PLEKHA8: variants seen among roughly 807,000 people sequenced by gnomAD.
PLEKHA8 encodes pleckstrin homology domain-containing family A member 8.
PLEKHA8 carries 36 observed loss-of-function variants against 68.2 expected under a neutral mutation model. The observed-to-expected ratio is 0.53, with a 90% confidence interval of 0.40 to 0.70. The LOEUF is 0.70. Among genes scored for constraint, PLEKHA8 ranks in the 30% least tolerant of loss-of-function variants. PLEKHA8 has a pLI of 0.00. For missense variants in PLEKHA8, 505 were observed against 615.4 expected (o/e 0.82, Z 1.90); for synonymous variants, 211 against 216.1 (o/e 0.98, Z 0.20).
chr7:30,099,367 A>C (rs1159405649), intron 13 of PLEKHA8, among the ~76,000 whole-genome samples: 2 of 152,246 alleles, frequency 1.3e-5, no homozygotes, highest in African/African-American at 2.4e-5. Flanking sequence ...GACATAAGAC[A>C]TACTCTTGAA....
intron 13 of PLEKHA8, among the ~76,000 whole-genome samples, chr7:30,113,996 T>A (rs1796351692): frequency 6.6e-6 from 1 of 151,978 alleles, no homozygotes; most frequent in Non-Finnish European, 1.5e-5. Context: ...CCTCCCAGGT[T>A]CAAGTGATTA....
chr7:30,083,059 A>T lies in PLEKHA8; in HGVS notation c.*4272A>T. The stretch of plus-strand genomic sequence containing the variant: ...AAGATAATCTATCAACCTTTTTTAA[A>T]TTTTAAAATTTTTAGATGTAGAGTT... On this transcript the variant is annotated 3_prime_UTR_variant, in exon 14 of 14. Coordinates refer to ENST00000449726, the MANE Select transcript of PLEKHA8 (RefSeq NM_001197026.2). The T allele has an allele frequency of 1.0e-6, 1 of 981,040 alleles. No homozygotes were observed. The highest frequency in any genetic ancestry group is 1.2e-6 in the Non-Finnish European group (1 of 826,118). The allele number at this position is 981,040 out of a possible 1,614,324, so 60.8% of individuals were successfully genotyped here. A position where few individuals can be genotyped will look rare whatever the true frequency, so the allele number is the denominator to read the frequency against.
intron 12 of PLEKHA8, among the ~76,000 whole-genome samples, chr7:30,070,839 G>C (rs1360516600): frequency 6.6e-6 from 1 of 152,296 alleles, no homozygotes; most frequent in Admixed American, 6.5e-5. Flanking sequence ...CCACCACCGT[G>C]CCTGGCCCAG....
At chr7:30,036,780 T>G (rs539797711) in intron 1 of PLEKHA8, among the ~76,000 whole-genome samples, 1 of 152,358 alleles carries the variant, frequency 6.6e-6, no homozygotes, top group East Asian at 1.9e-4. Context: ...GGATCTTTTC[T>G]CTAAATCTCC....
At position 30,083,487 on chromosome 7, in the gene PLEKHA8, G is replaced by C. The variant is rs763098465; in HGVS notation, c.*4700G>C. The C allele has an allele frequency of 5.5e-5, 54 of 984,604 alleles. No individual in the cohort carries two copies. Among genetic ancestry groups the C allele is most frequent in the Non-Finnish European group, 6.3e-5 (52 of 829,366 alleles). 61.0% of individuals were successfully genotyped at this position (984,604 alleles called of 1,614,324 possible). Reference sequence around the variant, plus strand: ...CCTGTCTCAGACAGTCAATAGTCCTGTGTACAGTGACTATTTGCATGATTT... The same window carrying C: ...CCTGTCTCAGACAGTCAATAGTCCTCTGTACAGTGACTATTTGCATGATTT... On this transcript the variant is annotated 3_prime_UTR_variant, in exon 14 of 14. Transcript: ENST00000449726.
exon 13 of PLEKHA8, chr7:30,090,250 A>C: frequency 6.5e-7 from 1 of 1,527,184 alleles, no homozygotes; most frequent in Non-Finnish European, 8.8e-7. Flanking sequence ...AGGCAGAAAA[A>C]GCAAGTCACC....
chr7:30,075,812 G>C (rs547105806), intron 13 of PLEKHA8, among the ~76,000 whole-genome samples: 1 of 152,292 alleles, frequency 6.6e-6, no homozygotes, highest in East Asian at 1.9e-4. Context: ...AGCTATAGTA[G>C]AAAACTTATC....
Position 30,111,544 on chromosome 7 carries a change from A to G in PLEKHA8, c.1363-17722A>G, listed in dbSNP as rs533533360. 3.4e-5 allele frequency among the ~76,000 whole-genome samples: 5 copies of G among 148,580 alleles called. No homozygotes were observed. The South Asian group carries it at 1.1e-3, about 32-fold the overall frequency. On this transcript the variant is annotated intron_variant, in intron 13 of 13. Coordinates refer to the PLEKHA8 transcript ENST00000396257. ...TCATTCATTTCTGTCTTATTTTTTA[A>G]TTTTCTAGCTTCTACATTCTTGGGT...
chr7:30,075,368 C>G (rs1252147872), intron 13 of PLEKHA8, among the ~76,000 whole-genome samples: 2 of 152,176 alleles, frequency 1.3e-5, no homozygotes, highest in African/African-American at 4.8e-5. Context: ...TACCATGTAG[C>G]TATTGGACAC....
intron 13 of PLEKHA8, among the ~76,000 whole-genome samples, chr7:30,128,919 G>A (rs1040280555): frequency 2.0e-5 from 3 of 152,068 alleles, no homozygotes; most frequent in African/African-American, 7.2e-5. Context: ...ACCAGCTCTC[G>A]GGAGTGAACA....
At chr7:30,110,208 T>C (rs952935112) in intron 13 of PLEKHA8, among the ~76,000 whole-genome samples, 1 of 152,178 alleles carries the variant, frequency 6.6e-6, no homozygotes, top group Non-Finnish European at 1.5e-5. Context: ...CCTAGGCAAC[T>C]AATCTTTCTG....
At chr7:30,042,129 T>G (rs1791590075) in intron 1 of PLEKHA8, among the ~76,000 whole-genome samples, 1 of 152,198 alleles carries the variant, frequency 6.6e-6, no homozygotes, top group Non-Finnish European at 1.5e-5. Context: ...GCGACTGCCT[T>G]GAGCTGAGAC....
rs797004881 is a variant in PLEKHA8, at chr7:30,108,083, A to C, written c.1363-21183A>C. Among the ~76,000 whole-genome samples the C allele has an allele frequency of 3.0e-3, 432 of 144,548 alleles. 4 individuals carry two copies. The highest frequency in any genetic ancestry group is 9.5e-3 in the African/African-American group (387 of 40,604). The allele number at this position is 144,548 out of a possible 152,430, so 94.8% of individuals were successfully genotyped here. ...ACTCCATCTCAAAAAAAAAAAAAAA[A>C]AAAAAAAAACCTACATTCATTGACA... On this transcript the variant is annotated intron_variant, in intron 13 of 13. Transcript: ENST00000396257.
intron 13 of PLEKHA8, among the ~76,000 whole-genome samples, chr7:30,095,785 G>A (rs866969785): frequency 1.3e-4 from 20 of 152,166 alleles, no homozygotes; most frequent in Non-Finnish European, 1.8e-4. Flanking sequence ...ATAGGGAATC[G>A]TTTCCCCATT....
chr7:30,060,924 T>G lies in PLEKHA8; in HGVS notation c.1080T>G (p.Asp360Glu). ...CAGTGTTTGCTCCTGTTAAGATGGA[T>G]CTTGTTGGAAATATTAAGGTGAGCA... ...GPTVFAPVKM[D>E]LVGNIKKVNQ... is the part of the protein sequence containing the mutation. Residue 360 changes from aspartate to glutamate, a missense_variant, in exon 10 of 14, where the codon GAT becomes GAG. Physicochemically the swap from Asp to Glu is conservative, Grantham distance 45. Coordinates refer to ENST00000449726, the MANE Select transcript of PLEKHA8 (RefSeq NM_001197026.2). 1 of 1,613,546 alleles carries G rather than the reference T, an allele frequency of 6.2e-7. No homozygotes were observed. Among genetic ancestry groups the G allele is most frequent in the Middle Eastern group, 1.7e-4 (1 of 6,052 alleles).
rs561487078 is a variant in PLEKHA8, at chr7:30,116,012, A to G, written c.1363-13254A>G. 24 of 150,558 alleles carry G rather than the reference A, an allele frequency of 1.6e-4. No homozygotes were observed. The East Asian group carries it at 4.0e-3, about 25-fold the overall frequency. The allele number at this position is 150,558 out of a possible 1,614,324, so 9.3% of individuals were successfully genotyped here. A position where few individuals can be genotyped will look rare whatever the true frequency, so the allele number is the denominator to read the frequency against. On this transcript the variant is annotated intron_variant, in intron 13 of 13. Coordinates refer to the PLEKHA8 transcript ENST00000396257. ...TGCATACGCATACATACGCATACAT[A>G]CGCATACATACGTATACATACATGT...
intron 13 of PLEKHA8, among the ~76,000 whole-genome samples, chr7:30,121,650 T>C (rs949909766): frequency 2.6e-5 from 4 of 152,108 alleles, no homozygotes; most frequent in African/African-American, 4.8e-5. Context: ...CTACAGTTTA[T>C]TGATTTCCTT....
At chr7:30,040,383 T>C (rs1047426314) in intron 1 of PLEKHA8, among the ~76,000 whole-genome samples, 4 of 152,236 alleles carry the variant, frequency 2.6e-5, no homozygotes, top group African/African-American at 9.6e-5. Flanking sequence ...GGCAAACTGC[T>C]GCAGGCAGCT....
downstream of PLEKHA8, among the ~76,000 whole-genome samples, chr7:30,085,384 G>A (rs1050874194): frequency 6.6e-6 from 1 of 152,218 alleles, no homozygotes; most frequent in African/African-American, 2.4e-5. Flanking sequence ...ATGTTCTTTG[G>A]CTTGGTTTAA....
Sources: allele counts gnomAD v4.1 joint callset (sites outside exome capture counted in the v4.1 genomes callset), GRCh38; gene constraint gnomAD v4.1.1; transcripts MANE v1.5; gene names NCBI Gene and HGNC (gene_info 2026-07-23, HGNC 2026-07-21).